Variants in DMRT2 observed in about 807,000 individuals in gnomAD.
DMRT2 encodes the protein doublesex and mab-3 related transcription factor 2.
DMRT2 carries 33 observed loss-of-function variants against 43.5 expected under a neutral mutation model. The ratio of observed to expected loss-of-function variants is 0.76; its 90% CI spans 0.58 to 1.01. The LOEUF (loss-of-function observed/expected upper bound fraction) is 1.01. Among genes scored for constraint, DMRT2 ranks in the 50% least tolerant of loss-of-function variants. The pLI, the probability that DMRT2 is intolerant of heterozygous loss-of-function variation, is 0.00. For missense variants in DMRT2, 1,064 were observed against 748.0 expected, an observed-to-expected ratio of 1.42 and a Z score of -4.93; for synonymous variants, 395 against 309.2, an observed-to-expected ratio of 1.28 and a Z score of -2.91.
rs1821984929 is a variant in DMRT2 at position 1,056,358 on chromosome 9, G to A, written c.771G>A (p.Arg257=). 3 of 1,614,158 alleles carry A rather than the reference G, an allele frequency of 1.9e-6. No individual in the cohort carries two copies. Among genetic ancestry groups the A allele is most frequent in the South Asian group, 1.1e-5 (1 of 91,078 alleles). ...TGCTGGAGAGAGAATATAAAGAAAG[G>A]GAGATGTTGGAAACTTCTCAAGCTG... ...NIMLEREYKE[R]EMLETSQAAA... is the part of the protein sequence containing the mutation. The change falls in exon 4 of 4, where the codon AGG becomes AGA. Residue 257 remains arginine, a synonymous_variant. Coordinates refer to ENST00000358146, the MANE Select transcript of DMRT2 (RefSeq NM_181872.6).
rs1822085121 is a variant in DMRT2, at chr9:1,057,440, C to T, written c.*167C>T. On this transcript the variant is annotated 3_prime_UTR_variant, in exon 4 of 4. Transcript: ENST00000358146. ...AATATGCATGTACTTTTTCTTATCA[C>T]ATATATTTAAACTTACAGATGGAAA... is the stretch of plus-strand genomic sequence containing the variant. The T allele has an allele frequency of 2.8e-6, 2 of 712,918 alleles. No individual in the cohort carries two copies. Among genetic ancestry groups the T allele is most frequent in the East Asian group, 2.8e-5 (1 of 36,090 alleles). 44.2% of individuals were successfully genotyped at this position (712,918 alleles called of 1,614,324 possible). A position where few individuals can be genotyped will look rare whatever the true frequency, so the allele number is the denominator to read the frequency against.
chr9:1,056,547 A>G lies in DMRT2; in HGVS notation c.960A>G (p.Glu320=). Reference sequence around the variant, plus strand: ...AGTATTCAGGGTCTGGGAATATGGAACTAATTTCTTCTAATGTCAGCGTGG... The same window carrying G: ...AGTATTCAGGGTCTGGGAATATGGAGCTAATTTCTTCTAATGTCAGCGTGG... ...TMQYSGSGNM[E]LISSNVSVAT... Residue 320 remains glutamate, a synonymous_variant, in exon 4 of 4, where the codon GAA becomes GAG. Transcript: ENST00000358146. 1.9e-6 allele frequency: 3 copies of G among 1,614,160 alleles called. No individual in the cohort carries two copies. The highest frequency in any genetic ancestry group is 2.5e-6 in the Non-Finnish European group (3 of 1,180,024).
intron 3 of DMRT2, among the ~76,000 whole-genome samples, chr9:1,054,051 C>T (rs1044149532): frequency 1.3e-5 from 2 of 152,156 alleles, no homozygotes; most frequent in African/African-American, 4.8e-5. Context: ...AGGAAGGAAA[C>T]CGCCACCTGG....
Position 1,056,289 on chromosome 9 carries a change from G to A in DMRT2, c.702G>A (p.Met234Ile). The A allele has an allele frequency of 6.2e-7, 1 of 1,614,242 alleles. No individual in the cohort carries two copies. The highest frequency in any genetic ancestry group is 8.5e-7 in the Non-Finnish European group (1 of 1,180,040). Residue 234 changes from methionine (M) to isoleucine (I), a missense_variant, in exon 4 of 4, where the codon ATG (methionine) becomes ATA (isoleucine). Met to Ile is a conservative substitution (Grantham distance 10). Transcript: ENST00000358146. ...FPLPPPVSDRMRKRRAFADKE... is the reference protein window; with the variant it reads ...FPLPPPVSDRIRKRRAFADKE... ...TACCTCCCCCAGTTAGTGACAGGAT[G>A]AGGAAAAGAAGAGCCTTTGCTGATA...
In DMRT2 at chr9:1,056,380, G is replaced by T; in HGVS notation, c.793G>T (p.Ala265Ser). The change falls in exon 4 of 4, where the codon GCT becomes TCT. Residue 265 changes from alanine to serine, a missense_variant. By Grantham distance (99) the Ala-to-Ser change is moderately conservative (BLOSUM62 1). Coordinates refer to ENST00000358146, the MANE Select transcript of DMRT2 (RefSeq NM_181872.6). Reference protein sequence around the residue: ...KEREMLETSQAAALFLPNRMV... With the variant: ...KEREMLETSQSAALFLPNRMV... The stretch of plus-strand genomic sequence containing the variant: ...AAGGGAGATGTTGGAAACTTCTCAA[G>T]CTGCTGCTCTGTTTCTGCCCAACCG... 1 of 1,614,176 alleles carries T rather than the reference G, an allele frequency of 6.2e-7. No homozygotes were observed. Among genetic ancestry groups the T allele is most frequent in the South Asian group, 1.1e-5 (1 of 91,076 alleles).
In DMRT2 at chr9:1,057,206, C is replaced by G. The variant is rs1478589200; in HGVS notation, c.1619C>G (p.Pro540Arg). Residue 540 changes from proline (P) to arginine (R), a missense_variant, in exon 4 of 4, where the codon CCA (proline) becomes CGA (arginine). Pro to Arg is a moderately radical substitution (Grantham distance 103). Transcript: ENST00000358146. ...QVGTKLSVNEPLSFSVESILK... is the reference protein window; with the variant it reads ...QVGTKLSVNERLSFSVESILK... ...GGAACAAAACTCTCGGTGAATGAAC[C>G]ACTGTCATTTTCTGTTGAGTCTATT... 9.9e-6 allele frequency: 16 copies of G among 1,613,958 alleles called. No homozygotes were observed. The highest frequency in any genetic ancestry group is 1.3e-5 in the Non-Finnish European group (15 of 1,179,964).
At position 1,054,103 on chromosome 9, in the gene DMRT2, C is replaced by T. The variant is rs534438199; in HGVS notation, c.628+279C>T. Among the ~76,000 whole-genome samples the T allele has an allele frequency of 1.4e-4, 22 of 152,296 alleles. 1 individual carries two copies. The highest frequency in any genetic ancestry group is 4.6e-4 in the African/African-American group (19 of 41,554). Reference sequence around the variant, plus strand: ...TACCTCCTGAGGTTTCTGTCACCACCAGTTGAAGAATCCCTATTATTTGGT... The same window carrying T: ...TACCTCCTGAGGTTTCTGTCACCACTAGTTGAAGAATCCCTATTATTTGGT... On this transcript the variant is annotated intron_variant, in intron 3 of 3. Transcript: ENST00000358146.
At position 1,052,104 on chromosome 9, in the gene DMRT2, C is replaced by T. The variant is rs1179307711; in HGVS notation, c.491C>T (p.Ala164Val). ...GTGGAGCGGCAGCGCGTCATGGCCGCCCAGGTGGCGCTCCGGAGGCAGCAG... is the reference window on the plus strand; with the variant it reads ...GTGGAGCGGCAGCGCGTCATGGCCGTCCAGGTGGCGCTCCGGAGGCAGCAG... ...LVVERQRVMA[A>V]QVALRRQQAT... Residue 164 changes from alanine (A) to valine (V), a missense_variant, in exon 2 of 4, where the codon GCC becomes GTC. Ala to Val is a moderately conservative substitution (Grantham distance 64, BLOSUM62 0). Coordinates refer to ENST00000358146, the MANE Select transcript of DMRT2 (RefSeq NM_181872.6). The T allele has an allele frequency of 2.1e-6, 3 of 1,433,396 alleles. No homozygotes were observed. Among genetic ancestry groups the T allele is most frequent in the Admixed American group, 2.8e-5 (1 of 35,436 alleles). The allele number at this position is 1,433,396 out of a possible 1,614,324, so 88.8% of individuals were successfully genotyped here.
chr9:1,052,663 C>T (rs1821681993), intron 2 of DMRT2, among the ~76,000 whole-genome samples: 1 of 152,038 alleles, frequency 6.6e-6, no homozygotes, highest in Non-Finnish European at 1.5e-5. Context: ...AAATTAGATG[C>T]CTGCAGCCCA....
chr9:1,057,331 G>A lies in DMRT2; in HGVS notation c.*58G>A, dbSNP rs149488494. 437 of 1,488,180 alleles carry A rather than the reference G, an allele frequency of 2.9e-4. 1 individual carries two copies. In the African/African-American group the frequency reaches 5.2e-3, roughly 18 times the overall value. The allele number at this position is 1,488,180 out of a possible 1,614,324, so 92.2% of individuals were successfully genotyped here. A position where few individuals can be genotyped will look rare whatever the true frequency, so the allele number is the denominator to read the frequency against. ...CAGTCTTAGAGCATTATAGCCATTT[G>A]CTACTTTTTTTAAAAGTTAAGATGT... On this transcript the variant is annotated 3_prime_UTR_variant, in exon 4 of 4. Transcript: ENST00000358146.
In DMRT2 at chr9:1,056,585, G is replaced by T; in HGVS notation, c.998G>T (p.Arg333Ile). 6.2e-7 allele frequency: 1 copy of T among 1,614,210 alleles called. No individual in the cohort carries two copies. The highest frequency in any genetic ancestry group is 8.5e-7 in the Non-Finnish European group (1 of 1,180,046). ...SSNVSVATTY[R>I]QYPLSSRFLV... ...AATGTCAGCGTGGCCACAACTTATAGACAGTATCCCTTGTCCTCAAGATTT... is the reference window on the plus strand; with the variant it reads ...AATGTCAGCGTGGCCACAACTTATATACAGTATCCCTTGTCCTCAAGATTT... Residue 333 changes from arginine (R) to isoleucine (I), a missense_variant, in exon 4 of 4, where the codon AGA (arginine) becomes ATA (isoleucine). Physicochemically the swap from Arg to Ile is moderately conservative, Grantham distance 97. Transcript: ENST00000358146.
chr9:1,056,711 G>C lies in DMRT2; in HGVS notation c.1124G>C (p.Ser375Thr), dbSNP rs776165447. The C allele has an allele frequency of 1.9e-6, 3 of 1,614,170 alleles. No individual in the cohort carries two copies. Among genetic ancestry groups the C allele is most frequent in the Non-Finnish European group, 2.5e-6 (3 of 1,180,038 alleles). The change falls in exon 4 of 4, where the codon AGC (serine) becomes ACC (threonine). Residue 375 changes from serine (S) to threonine (T), a missense_variant. Ser to Thr is a moderately conservative substitution (Grantham distance 58). Transcript: ENST00000358146. ...TSVQALKPGA[S>T]WDLKGARVQD... The stretch of plus-strand genomic sequence containing the variant: ...GTTCAAGCCCTGAAGCCTGGGGCCA[G>C]CTGGGACTTGAAGGGAGCACGAGTC...
chr9:1,056,195 T>A, intron 3 of DMRT2, 21 bp from the exon 4 acceptor site: 1 of 1,578,780 alleles, frequency 6.3e-7, no homozygotes, highest in Non-Finnish European at 8.6e-7. Flanking sequence ...CTCTTTCATG[T>A]GCAATCTTTG....
At chr9:1,052,228 C>T (rs1563720799) in intron 2 of DMRT2, 90 bp downstream of exon 2, 1 of 1,118,892 alleles carries the variant, frequency 8.9e-7, no homozygotes, top group African/African-American at 1.6e-5. Context: ...CCCCCCGCGC[C>T]CAGGGCCTTG....
At chr9:1,052,941 G>C (rs989847401) in intron 2 of DMRT2, 5 of 152,318 alleles carry the variant, frequency 3.3e-5, no homozygotes, top group Non-Finnish European at 7.3e-5. Context: ...CTGGGGAGTG[G>C]ATCGCCAGAC....
In DMRT2 at chr9:1,051,583, A is replaced by G. The variant is rs760844124; in HGVS notation, c.-31A>G. 1.1e-5 allele frequency: 17 copies of G among 1,493,298 alleles called. 1 individual carries two copies. The South Asian group carries it at 2.1e-4, about 18-fold the overall frequency. 92.5% of individuals were successfully genotyped at this position (1,493,298 alleles called of 1,614,324 possible). A position where few individuals can be genotyped will look rare whatever the true frequency, so the allele number is the denominator to read the frequency against. The stretch of plus-strand genomic sequence containing the variant: ...GTGTTTCCCCAGAGTGAGGGCCGCC[A>G]GGCTCAGGCCCCAGCGAAGCCCCGA... On this transcript the variant is annotated 5_prime_UTR_variant, in exon 2 of 4. Transcript: ENST00000358146. This position sits in a 1 kb window ranked among gnomAD's most constrained non-coding sequence, Gnocchi z 5.9.
Position 1,051,879 on chromosome 9 carries a change from C to A in DMRT2, c.266C>A (p.Pro89Gln). The change falls in exon 2 of 4, where the codon CCG becomes CAG. Residue 89 changes from proline to glutamine, a missense_variant. Pro to Gln is a moderately conservative substitution (Grantham distance 76). Coordinates refer to ENST00000358146, the MANE Select transcript of DMRT2 (RefSeq NM_181872.6). This position sits in a 1 kb window ranked among gnomAD's most constrained non-coding sequence, Gnocchi z 5.9. The part of the protein sequence containing the change: ...EQRGGPQPRP[P>Q]LAPQASPAGT... ...CGGGGGGGACCGCAGCCGAGGCCGCCGCTCGCGCCTCAGGCCTCACCCGCC... is the reference window on the plus strand; with the variant it reads ...CGGGGGGGACCGCAGCCGAGGCCGCAGCTCGCGCCTCAGGCCTCACCCGCC... The A allele has an allele frequency of 7.3e-7, 1 of 1,379,130 alleles. No homozygotes were observed. The highest frequency in any genetic ancestry group is 9.3e-7 in the Non-Finnish European group (1 of 1,077,748). 85.4% of individuals were successfully genotyped at this position (1,379,130 alleles called of 1,614,324 possible).
At chr9:1,052,823 T>A (rs554998779) in intron 2 of DMRT2, among the ~76,000 whole-genome samples, 2 of 152,178 alleles carry the variant, frequency 1.3e-5, no homozygotes, top group African/African-American at 4.8e-5. Flanking sequence ...TGTATTTGTT[T>A]CCATGTGCGC....
At position 1,053,917 on chromosome 9, in the gene DMRT2, C is replaced by G. The variant is rs970120184; in HGVS notation, c.628+93C>G. ...GTGTGTTTATTAATCTGTGAAAGAG[C>G]TATCTAAAGGGAAAGTACTTTTTAT... is the stretch of plus-strand genomic sequence containing the variant. On this transcript the variant is annotated intron_variant, in intron 3 of 3. Coordinates refer to ENST00000358146, the MANE Select transcript of DMRT2 (RefSeq NM_181872.6). The G allele has an allele frequency of 2.0e-5, 22 of 1,085,688 alleles. No homozygotes were observed. The African/African-American group carries it at 3.1e-4, about 16-fold the overall frequency. The allele number at this position is 1,085,688 out of a possible 1,614,324, so 67.3% of individuals were successfully genotyped here.
Sources: allele counts gnomAD v4.1 joint callset (sites outside exome capture counted in the v4.1 genomes callset), GRCh38; gene constraint gnomAD v4.1.1; non-coding constraint Gnocchi (gnomAD v3.1); transcripts MANE v1.5; gene names NCBI Gene and HGNC (gene_info 2026-07-23, HGNC 2026-07-21).